The following PIEZO2 variants were observed in gnomAD, a reference collection of about 807,000 sequenced individuals.
PIEZO2 encodes the protein piezo type mechanosensitive ion channel component 2, also known as piezo-type mechanosensitive ion channel component 2.
PIEZO2 carries 172 observed loss-of-function variants against 337.3 expected under a neutral mutation model. The ratio of observed to expected loss-of-function variants is 0.51; its 90% CI spans 0.45 to 0.58. The LOEUF (loss-of-function observed/expected upper bound fraction) is 0.58. Ranked by LOEUF, PIEZO2 falls within the 20% of genes least tolerant of loss-of-function variation. The probability of loss-of-function intolerance (pLI) is 0.00; values close to 1 mark genes in which losing one functional copy is unlikely to be tolerated. For synonymous variants in PIEZO2, 1,251 were observed against 1,228.5 expected (o/e 1.02, Z -0.38); for missense variants, 3,028 against 3,391.3 (o/e 0.89, Z 2.66).
At position 10,872,837 on chromosome 18, in the gene PIEZO2, A is replaced by G. The variant is rs1405030356; in HGVS notation, c.330-1422T>C. 6.6e-6 allele frequency among the ~76,000 whole-genome samples: 1 copy of G among 152,222 alleles called. No homozygotes were observed. The highest frequency in any genetic ancestry group is 3.2e-3 in the Middle Eastern group (1 of 316). On this transcript the variant is annotated intron_variant, in intron 4 of 55. Transcript: ENST00000674853. This position sits in a 1 kb window ranked among gnomAD's most constrained non-coding sequence, Gnocchi z 4.3. Reference sequence around the variant, plus strand: ...GAAAAAGTTATACAGACTTAGGTTTACAAAATGAGTTTAAAATAGGGAGGA... The same window carrying G: ...GAAAAAGTTATACAGACTTAGGTTTGCAAAATGAGTTTAAAATAGGGAGGA...
In PIEZO2 at chr18:11,021,795, C is replaced by A. The variant is rs1285462967; in HGVS notation, c.161-42135G>T. On this transcript the variant is annotated intron_variant, in intron 2 of 55. Coordinates refer to ENST00000674853, the MANE Select transcript of PIEZO2 (RefSeq NM_001378183.1). This position sits in a 1 kb window ranked among gnomAD's most constrained non-coding sequence, Gnocchi z 4.7. ...GAGGCATCATCTAGACGCTGGGGGA[C>A]TGCAGATGCAAACCAGGAAAATGCC... 6.6e-6 allele frequency among the ~76,000 whole-genome samples: 1 copy of A among 152,188 alleles called. No homozygotes were observed. The highest frequency in any genetic ancestry group is 1.5e-5 in the Non-Finnish European group (1 of 68,034).
intron 2 of PIEZO2, among the ~76,000 whole-genome samples, chr18:11,004,012 A>C (rs1287461407): frequency 6.6e-6 from 1 of 152,152 alleles, no homozygotes; most frequent in African/African-American, 2.4e-5. Context: ...GATGGTTTCC[A>C]TGTTTTTCTG....
intron 49 of PIEZO2, among the ~76,000 whole-genome samples, chr18:10,687,169 C>A (rs1443061542): frequency 6.6e-6 from 1 of 152,048 alleles, no homozygotes; most frequent in Non-Finnish European, 1.5e-5. Flanking sequence ...GCAGGATGTG[C>A]AGGTTTGTTA....
Position 10,845,053 on chromosome 18 carries a change from CAATGTATTTAACT to C in PIEZO2, c.917+10287_917+10299del, listed in dbSNP as rs2041312276. Reference sequence around the variant, plus strand: ...ATGAATGTCTAGTTAACTATGAGGACAATGTATTTAACTAATGTATTTAACAAATACCTCTTTA... The same window carrying C: ...ATGAATGTCTAGTTAACTATGAGGACAATGTATTTAACAAATACCTCTTTA... On this transcript the variant is annotated intron_variant, in intron 7 of 55. Transcript: ENST00000674853. Among the ~76,000 whole-genome samples the C allele has an allele frequency of 2.0e-5, 3 of 152,188 alleles. No homozygotes were observed. The South Asian group carries it at 6.2e-4, about 32-fold the overall frequency.
In PIEZO2 at chr18:10,746,228, T is replaced by C. The variant is rs1455591061; in HGVS notation, c.4425-1997A>G. 6.6e-6 allele frequency among the ~76,000 whole-genome samples: 1 copy of C among 152,224 alleles called. No individual in the cohort carries two copies. Among genetic ancestry groups the C allele is most frequent in the Non-Finnish European group, 1.5e-5 (1 of 68,038 alleles). On this transcript the variant is annotated intron_variant, in intron 30 of 55. Coordinates refer to ENST00000674853, the MANE Select transcript of PIEZO2 (RefSeq NM_001378183.1). This position sits in a 1 kb window ranked among gnomAD's most constrained non-coding sequence, Gnocchi z 4.2. ...TCATATTACTTGCTTGTTTAAACAC[T>C]GCAAGGCCTTCCTAAGACTGTGGGA...
chr18:10,881,141 T>C (rs771586358), intron 4 of PIEZO2, among the ~76,000 whole-genome samples: 10 of 151,980 alleles, frequency 6.6e-5, no homozygotes, highest in African/African-American at 2.4e-4. Context: ...GGTACCTTTT[T>C]TTAAACCACA....
chr18:11,090,281 G>A (rs576984509), intron 1 of PIEZO2, among the ~76,000 whole-genome samples: 2 of 152,310 alleles, frequency 1.3e-5, no homozygotes, highest in South Asian at 4.1e-4. Context: ...ATAAAAGAGA[G>A]AGAGAGAAGG....
In PIEZO2 at chr18:10,677,877, TGTG is replaced by T; in HGVS notation, c.7953-5_7953-3del. 1 of 1,542,022 alleles carries T rather than the reference TGTG, an allele frequency of 6.5e-7. No homozygotes were observed. The highest frequency in any genetic ancestry group is 8.7e-7 in the Non-Finnish European group (1 of 1,154,072). On this transcript the variant is annotated splice_polypyrimidine_tract_variant and splice_region_variant and intron_variant, in intron 52 of 55. Transcript: ENST00000674853. This position sits in a 1 kb window ranked among gnomAD's most constrained non-coding sequence, Gnocchi z 4.1. ...GATTTTGCACCCAGACTTAAGTTTCTGTGAAGAAAAAAAAAAAGCTTAATGTCA... is the reference window on the plus strand; with the variant it reads ...GATTTTGCACCCAGACTTAAGTTTCTAAGAAAAAAAAAAAGCTTAATGTCA...
At position 11,047,717 on chromosome 18, in the gene PIEZO2, G is replaced by A. The variant is rs2037368493; in HGVS notation, c.160+18410C>T. ...AGCAGCCACCACACTGGGAGTTAGG[G>A]CCTTTCTCCACAACAACTAAGAGTA... is the stretch of plus-strand genomic sequence containing the variant. On this transcript the variant is annotated intron_variant, in intron 2 of 55. Transcript: ENST00000674853. This position sits in a 1 kb window ranked among gnomAD's most constrained non-coding sequence, Gnocchi z 7.2. Among the ~76,000 whole-genome samples, 1 of 152,022 alleles carries A rather than the reference G, an allele frequency of 6.6e-6. No homozygotes were observed. Among genetic ancestry groups the A allele is most frequent in the Non-Finnish European group, 1.5e-5 (1 of 68,038 alleles).
chr18:10,740,838 T>C (rs879846325), intron 33 of PIEZO2, 193 bp downstream of exon 33: 29 of 705,720 alleles, frequency 4.1e-5, no homozygotes, highest in Non-Finnish European at 6.7e-5. Flanking sequence ...ACGTCTGTGC[T>C]GATGTCTCTG....
At position 10,962,057 on chromosome 18, in the gene PIEZO2, G is replaced by A. The variant is rs1334849680; in HGVS notation, c.286+17478C>T. Among the ~76,000 whole-genome samples the A allele has an allele frequency of 4.0e-5, 6 of 151,694 alleles. No homozygotes were observed. The highest frequency in any genetic ancestry group is 4.1e-4 in the South Asian group (2 of 4,828). ...ATCCAGAAATGCACCACTGATTCTC[G>A]CAACGTTCAGTTTTTTTTTCCAAGC... On this transcript the variant is annotated intron_variant, in intron 3 of 55. Coordinates refer to ENST00000674853, the MANE Select transcript of PIEZO2 (RefSeq NM_001378183.1). The surrounding 1 kb of genome is among the most constrained non-coding windows in gnomAD (Gnocchi z 4.1).
chr18:11,067,029 G>A (rs1244478942), intron 1 of PIEZO2, among the ~76,000 whole-genome samples: 1 of 152,166 alleles, frequency 6.6e-6, no homozygotes, highest in Non-Finnish European at 1.5e-5. Flanking sequence ...ATACAAAGTA[G>A]ACAAAAAGTA....
intron 44 of PIEZO2, among the ~76,000 whole-genome samples, chr18:10,698,468 C>T (rs2143707028): frequency 6.6e-6 from 1 of 152,302 alleles, no homozygotes; most frequent in South Asian, 2.1e-4. Context: ...TATCTACTTT[C>T]TGATTGTACT....
At position 10,877,632 on chromosome 18, in the gene PIEZO2, C is replaced by T. The variant is rs2144826064; in HGVS notation, c.330-6217G>A. Reference sequence around the variant, plus strand: ...ATTCTGACTTCTAACGTCTCCTTTCCCAGCCCTCCCCTTTATCCCCACAGC... The same window carrying T: ...ATTCTGACTTCTAACGTCTCCTTTCTCAGCCCTCCCCTTTATCCCCACAGC... On this transcript the variant is annotated intron_variant, in intron 4 of 55. Transcript: ENST00000674853. This position sits in a 1 kb window ranked among gnomAD's most constrained non-coding sequence, Gnocchi z 5.3. 6.6e-6 allele frequency among the ~76,000 whole-genome samples: 1 copy of T among 152,254 alleles called. No individual in the cohort carries two copies. Among genetic ancestry groups the T allele is most frequent in the African/African-American group, 2.4e-5 (1 of 41,546 alleles).
chr18:10,913,742 T>C (rs2030682241), intron 3 of PIEZO2, among the ~76,000 whole-genome samples: 2 of 152,058 alleles, frequency 1.3e-5, no homozygotes, highest in Admixed American at 1.3e-4. Context: ...TGCAAGACAC[T>C]CAGTACTCCT....
At position 11,145,676 on chromosome 18, in the gene PIEZO2, T is replaced by A. The variant is rs2040791822; in HGVS notation, c.64+2849A>T. ...GAGTAGGCAGACCAGAACCCTCCAA[T>A]AACCTTGGAAATCTCCACTTCTTGC... On this transcript the variant is annotated intron_variant, in intron 1 of 55. Transcript: ENST00000674853. 1.3e-5 allele frequency among the ~76,000 whole-genome samples: 2 copies of A among 152,206 alleles called. 1 individual carries two copies. The highest frequency in any genetic ancestry group is 4.1e-4 in the South Asian group (2 of 4,834).
At chr18:11,055,791 G>A (rs2037710961) in intron 2 of PIEZO2, among the ~76,000 whole-genome samples, 1 of 152,186 alleles carries the variant, frequency 6.6e-6, no homozygotes, top group African/African-American at 2.4e-5. Context: ...GGGCCTCTGA[G>A]CCGCGCTGGG....
rs545471308 is a variant in PIEZO2 at position 10,673,388 on chromosome 18, C to T, written c.8162-515G>A. 1.3e-5 allele frequency among the ~76,000 whole-genome samples: 2 copies of T among 152,308 alleles called. No homozygotes were observed. Among genetic ancestry groups the T allele is most frequent in the South Asian group, 2.1e-4 (1 of 4,824 alleles). ...TGGGCACATGACAGCCACCATGGGA[C>T]CAGCATTGACAAGGTCTGTTGGCTT... On this transcript the variant is annotated intron_variant, in intron 54 of 55. Coordinates refer to ENST00000674853, the MANE Select transcript of PIEZO2 (RefSeq NM_001378183.1). The surrounding 1 kb of genome is among the most constrained non-coding windows in gnomAD (Gnocchi z 4.8).
chr18:10,802,989 G>T (rs1003211256), intron 9 of PIEZO2, among the ~76,000 whole-genome samples: 1 of 133,546 alleles, frequency 7.5e-6, no homozygotes, highest in African/African-American at 2.9e-5. Context: ...AAAAAAAAAA[G>T]GTATTTTAAT....
Sources: gnomAD v4.1 joint callset for allele counts (sites outside exome capture counted in the v4.1 genomes callset) on GRCh38, gnomAD v4.1.1 for gene constraint, Gnocchi (gnomAD v3.1) non-coding constraint, MANE v1.5 for transcripts, NCBI Gene and HGNC (gene_info 2026-07-23, HGNC 2026-07-21) for gene names.